The following KIF14 variants were observed in gnomAD, a reference collection of about 807,000 sequenced individuals.
KIF14 encodes the protein kinesin family member 14.
A neutral mutation model predicts 176.2 loss-of-function variants in KIF14; 98 were observed. The ratio of observed to expected loss-of-function variants is 0.56; its 90% CI spans 0.47 to 0.66. KIF14 has a LOEUF of 0.66. Among genes scored for constraint, KIF14 ranks in the 30% least tolerant of loss-of-function variants. The probability of loss-of-function intolerance (pLI) is 0.00; values close to 1 mark genes in which losing one functional copy is unlikely to be tolerated. For synonymous variants in KIF14, 566 were observed against 632.2 expected (o/e 0.90, Z 1.57); for missense variants, 1,751 against 1,920.4 (o/e 0.91, Z 1.65).
intron 16 of KIF14, 67 bp downstream of exon 16, chr1:200,592,013 C>T: frequency 7.5e-7 from 1 of 1,339,162 alleles, no homozygotes; most frequent in South Asian, 1.4e-5. Flanking sequence ...GAGACTGGCA[C>T]AATGTGATTA....
Position 200,598,288 on chromosome 1 carries a change from T to C in KIF14, c.2498A>G (p.Asn833Ser), listed in dbSNP as rs1659462198. 1 of 1,613,182 alleles carries C rather than the reference T, an allele frequency of 6.2e-7. No individual in the cohort carries two copies. Among genetic ancestry groups the C allele is most frequent in the African/African-American group, 1.3e-5 (1 of 74,946 alleles). Residue 833 changes from asparagine (N) to serine (S), a missense_variant, in exon 14 of 30, where the codon AAC becomes AGC. Coordinates refer to ENST00000367350, the MANE Select transcript of KIF14 (RefSeq NM_014875.3). Reference sequence around the variant, plus strand: ...AGATAACTGAATATCATGGCTTGAGTTTGGTTTATACTTTCCAACTGTAGT... The same window carrying C: ...AGATAACTGAATATCATGGCTTGAGCTTGGTTTATACTTTCCAACTGTAGT... The part of the protein sequence containing the change: ...GTTTVGKYKP[N>S]SSHDIQLSGV...
chr1:200,617,739 A>T lies in KIF14; in HGVS notation c.985T>A (p.Ser329Thr). The change falls in exon 2 of 30, where the codon TCC becomes ACC. Residue 329 changes from serine to threonine, a missense_variant. Transcript: ENST00000367350. ...TCGGGAAGAATTGTATTTTCTGCGG[A>T]TCTTTCCTGTTTATTTGCAAGAAAG... ...SSFLANKQER[S>T]AENTILPEEE... is the part of the protein sequence containing the mutation. 6.2e-7 allele frequency: 1 copy of T among 1,614,148 alleles called. No homozygotes were observed. The highest frequency in any genetic ancestry group is 8.5e-7 in the Non-Finnish European group (1 of 1,180,030).
At chr1:200,616,374 T>G (rs16847011) in intron 2 of KIF14, among the ~76,000 whole-genome samples, 4,376 of 152,308 alleles carry the variant, frequency 0.029, 213 homozygotes, top group African/African-American at 0.098. Flanking sequence ...GGTCCCTTAC[T>G]AAGTTCAGTA....
At chr1:200,573,552 T>C (rs1429749927) in intron 22 of KIF14, among the ~76,000 whole-genome samples, 1 of 149,824 alleles carries the variant, frequency 6.7e-6, no homozygotes, top group African/African-American at 2.5e-5. Context: ...TTCTCCTGCC[T>C]CAGCCTCCCG....
chr1:200,588,017 G>T (rs528027020), intron 18 of KIF14, among the ~76,000 whole-genome samples: 1 of 152,096 alleles, frequency 6.6e-6, no homozygotes, highest in East Asian at 1.9e-4. Context: ...TCCCACCCTG[G>T]TTTCCCTGAC....
In KIF14 at chr1:200,592,256, A is replaced by T; in HGVS notation, c.2653-16T>A. The T allele has an allele frequency of 6.3e-7, 1 of 1,593,118 alleles. No individual in the cohort carries two copies. Among genetic ancestry groups the T allele is most frequent in the Non-Finnish European group, 8.5e-7 (1 of 1,173,426 alleles). On this transcript the variant is annotated splice_polypyrimidine_tract_variant and intron_variant, in intron 15 of 29. Coordinates refer to ENST00000367350, the MANE Select transcript of KIF14 (RefSeq NM_014875.3). ...CTCGATCACCCTAAAGCACACAAAA[A>T]AATGTACTACTTGAGGTGAGTCTCA...
At chr1:200,610,378 C>T (rs1398598824) in intron 4 of KIF14, among the ~76,000 whole-genome samples, 1 of 151,654 alleles carries the variant, frequency 6.6e-6, no homozygotes, top group Non-Finnish European at 1.5e-5. Flanking sequence ...GGCGTGGTGG[C>T]GGGTATCTGT....
chr1:200,605,210 T>TA, intron 8 of KIF14, 73 bp downstream of exon 8: 1 of 1,416,178 alleles, frequency 7.1e-7, no homozygotes, highest in Middle Eastern at 1.8e-4. Flanking sequence ...GGGAACTTTT[T>TA]AAAAAAATAC....
At chr1:200,557,758 T>C (rs1313696112) in intron 27 of KIF14, among the ~76,000 whole-genome samples, 1 of 152,162 alleles carries the variant, frequency 6.6e-6, no homozygotes, top group Non-Finnish European at 1.5e-5. Context: ...AACTAACTTA[T>C]TCCATGCCTT....
intron 8 of KIF14, among the ~76,000 whole-genome samples, chr1:200,604,611 A>T (rs1039856243): frequency 2.0e-5 from 3 of 152,198 alleles, no homozygotes; most frequent in African/African-American, 7.2e-5. Flanking sequence ...AAATAATATA[A>T]ATGTCCAACA....
intron 27 of KIF14, among the ~76,000 whole-genome samples, chr1:200,556,015 C>CT (rs1282820893): frequency 1.3e-5 from 2 of 152,168 alleles, no homozygotes; most frequent in African/African-American, 2.4e-5. Context: ...ATACTATACT[C>CT]TAAAAACTTT....
In KIF14 at chr1:200,581,115, G is replaced by GGAA. The variant is rs1553256824; in HGVS notation, c.3335+85_3335+86insTTC. 2.1e-5 allele frequency: 6 copies of GGAA among 287,966 alleles called. 1 individual carries two copies. The highest frequency in any genetic ancestry group is 7.2e-5 in the Admixed American group (1 of 13,974). 17.8% of individuals were successfully genotyped at this position (287,966 alleles called of 1,614,324 possible). A position where few individuals can be genotyped will look rare whatever the true frequency, so the allele number is the denominator to read the frequency against. On this transcript the variant is annotated intron_variant, in intron 20 of 29. Transcript: ENST00000367350. ...GGCAACAGAGCAAGACTCTGTCTCA[G>GGAA]AAAAAAAAAAAAAAAAAAGAGAAAC...
In KIF14 at chr1:200,617,684, G is replaced by A; in HGVS notation, c.1040C>T (p.Ala347Val). The A allele has an allele frequency of 1.2e-6, 2 of 1,614,158 alleles. No individual in the cohort carries two copies. Residue 347 changes from alanine to valine, a missense_variant, in exon 2 of 30, where the codon GCA (alanine) becomes GTA (valine). By Grantham distance (64) the Ala-to-Val change is moderately conservative. Coordinates refer to ENST00000367350, the MANE Select transcript of KIF14 (RefSeq NM_014875.3). The part of the protein sequence containing the change: ...EEETVVQNTS[A>V]GKDPLKVENS... Reference sequence around the variant, plus strand: ...CTCTACTTTTAAGGGGTCTTTTCCTGCAGAGGTGTTCTGAACTACAGTTTC... The same window carrying A: ...CTCTACTTTTAAGGGGTCTTTTCCTACAGAGGTGTTCTGAACTACAGTTTC...
rs1656591555 is a variant in KIF14 at position 200,552,600 on chromosome 1, C to A, written c.*788G>T. 1 of 151,916 alleles carries A rather than the reference C, an allele frequency of 6.6e-6. No homozygotes were observed. Among genetic ancestry groups the A allele is most frequent in the Non-Finnish European group, 1.5e-5 (1 of 67,994 alleles). The allele number at this position is 151,916 out of a possible 1,614,324, so 9.4% of individuals were successfully genotyped here. ...GCCATATTATTAATATATAATTATA[C>A]TATATTTAGGTAGCTACTTATAATT... is the stretch of plus-strand genomic sequence containing the variant. On this transcript the variant is annotated 3_prime_UTR_variant, in exon 30 of 30. Coordinates refer to ENST00000367350, the MANE Select transcript of KIF14 (RefSeq NM_014875.3).
At chr1:200,607,793 C>CG (rs1336449299) in intron 5 of KIF14, among the ~76,000 whole-genome samples, 3 of 151,998 alleles carry the variant, frequency 2.0e-5, no homozygotes, top group Admixed American at 2.0e-4. Flanking sequence ...CCTCTGCCCC[C>CG]GGGTTCAAGC....
intron 25 of KIF14, among the ~76,000 whole-genome samples, chr1:200,562,512 T>C (rs1346126332): frequency 2.6e-5 from 4 of 152,226 alleles, no homozygotes; most frequent in African/African-American, 9.6e-5. Context: ...GGTTCAAACA[T>C]CAGTTTTTCA....
At chr1:200,600,271 A>G in intron 12 of KIF14, 85 bp downstream of exon 12, 1 of 1,413,180 alleles carries the variant, frequency 7.1e-7, no homozygotes, top group Middle Eastern at 1.8e-4. Flanking sequence ...GGTCGGAAAA[A>G]TACTCAGTAT....
chr1:200,614,766 C>T (rs991629721), intron 3 of KIF14, among the ~76,000 whole-genome samples: 9 of 119,850 alleles, frequency 7.5e-5, no homozygotes, highest in Admixed American at 4.4e-4. Flanking sequence ...TCTGTTCTTT[C>T]GCTCTTCACA....
chr1:200,589,158 G>GA (rs75692846), intron 18 of KIF14, 59 bp downstream of exon 18: 3,806 of 1,335,928 alleles, frequency 2.8e-3, no homozygotes, highest in South Asian at 3.1e-3. Context: ...CCACTTCTTT[G>GA]AAAAAAAAAA....
Sources: gnomAD v4.1 joint callset for allele counts (sites outside exome capture counted in the v4.1 genomes callset) on GRCh38, gnomAD v4.1.1 for gene constraint, MANE v1.5 for transcripts, NCBI Gene and HGNC (gene_info 2026-07-23, HGNC 2026-07-21) for gene names.